SLIT1: variants seen among roughly 807,000 people sequenced by gnomAD.
SLIT1 encodes slit homolog 1 protein.
Under a neutral mutation model 186.1 loss-of-function variants are expected in SLIT1, and 66 were observed. That is an observed-to-expected ratio of 0.35 (90% CI 0.29 to 0.44). SLIT1 has a LOEUF of 0.44. Ranked by LOEUF, SLIT1 falls within the 20% of genes least tolerant of loss-of-function variation. The probability of loss-of-function intolerance (pLI) is 1.00; values close to 1 mark genes in which losing one functional copy is unlikely to be tolerated. For missense variants in SLIT1, 1,638 were observed against 2,037.4 expected, an observed-to-expected ratio of 0.80 and a Z score of 3.77; for synonymous variants, 761 against 833.8, an observed-to-expected ratio of 0.91 and a Z score of 1.50.
At chr10:97,065,075 A>G (rs999389892) in intron 5 of SLIT1, among the ~76,000 whole-genome samples, 199 bp from the exon 6 acceptor site, 1 of 152,180 alleles carries the variant, frequency 6.6e-6, no homozygotes, top group Non-Finnish European at 1.5e-5. Context: ...AATCATAAAT[A>G]TAAGTAAAAG....
intron 4 of SLIT1, among the ~76,000 whole-genome samples, chr10:97,150,150 G>A (rs1849861157): frequency 6.6e-6 from 1 of 152,134 alleles, no homozygotes; most frequent in South Asian, 2.1e-4. Flanking sequence ...GCTCTGGCTG[G>A]GGAGGGGCGG....
Position 97,000,765 on chromosome 10 carries a change from T to C in SLIT1, c.*347A>G. On this transcript the variant is annotated 3_prime_UTR_variant, in exon 37 of 37. Transcript: ENST00000266058. ...TTGGTTTGGAAGGCTGTCATTTTTC[T>C]TCTCCAGATTCAGATAGCAGGTAAG... The C allele has an allele frequency of 4.3e-6, 1 of 230,626 alleles. No homozygotes were observed. Among genetic ancestry groups the C allele is most frequent in the Non-Finnish European group, 8.4e-6 (1 of 118,344 alleles). The allele number at this position is 230,626 out of a possible 1,614,324, so 14.3% of individuals were successfully genotyped here.
At chr10:97,138,649 G>GTT (rs143674794) in intron 4 of SLIT1, among the ~76,000 whole-genome samples, 709 of 59,008 alleles carry the variant, frequency 0.012, 3 homozygotes, top group South Asian at 0.024. Context: ...GTAGGAAACT[G>GTT]TTTTTTTTTT....
chr10:97,146,559 G>GCCCCCCCCCCCCCCCCCCCC (rs61265496), intron 4 of SLIT1, among the ~76,000 whole-genome samples: 1 of 149,076 alleles, frequency 6.7e-6, no homozygotes, highest in Non-Finnish European at 1.5e-5. Flanking sequence ...AGGTACCCCA[G>GCCCCCCCCCCCCCCCCCCCC]CCCCCCCCAC....
Position 97,002,208 on chromosome 10 carries a change from C to T in SLIT1, c.4316G>A (p.Gly1439Glu), listed in dbSNP as rs557275490. Residue 1439 changes from glycine to glutamate, a missense_variant, in exon 36 of 37, where the codon GGG becomes GAG. Physicochemically the swap from Gly to Glu is moderately conservative, Grantham distance 98 (BLOSUM62 -2). Transcript: ENST00000266058. ...GCCGGGGTCACACACACAGTGTGCC[C>T]CCTTGGTGCCTGAGGCCTGGCAGTG... ...HGHCQASGTK[G>E]AHCVCDPGFS... 7 of 1,579,436 alleles carry T rather than the reference C, an allele frequency of 4.4e-6. No homozygotes were observed. The East Asian group carries it at 1.4e-4, about 31-fold the overall frequency.
chr10:97,039,542 G>C (rs1170653572), intron 21 of SLIT1, among the ~76,000 whole-genome samples: 1 of 152,142 alleles, frequency 6.6e-6, no homozygotes, highest in Admixed American at 6.5e-5. Flanking sequence ...TGTTAGCACT[G>C]GTGCTGTTTA....
At position 97,157,892 on chromosome 10, in the gene SLIT1, A is replaced by G. The variant is rs749768669; in HGVS notation, c.342-3T>C. On this transcript the variant is annotated splice_region_variant and splice_polypyrimidine_tract_variant and intron_variant, in intron 3 of 36. Coordinates refer to ENST00000266058, the MANE Select transcript of SLIT1 (RefSeq NM_003061.3). ...GCAGCTGGTTTCGGTTCAGTCGCCT[A>G]TAAAAGAGAAGAAGAATTGGAAATC... is the stretch of plus-strand genomic sequence containing the variant. 3 of 1,611,548 alleles carry G rather than the reference A, an allele frequency of 1.9e-6. No homozygotes were observed. Among genetic ancestry groups the G allele is most frequent in the Non-Finnish European group, 2.5e-6 (3 of 1,177,640 alleles).
chr10:97,111,502 C>T (rs1337365482), intron 4 of SLIT1, among the ~76,000 whole-genome samples: 2 of 152,166 alleles, frequency 1.3e-5, no homozygotes, highest in African/African-American at 2.4e-5. Flanking sequence ...CTGCTCCCGC[C>T]GCGGAGAAAC....
At chr10:97,049,245 C>A (rs961064684) in intron 13 of SLIT1, 127 bp from the exon 14 acceptor site, 2 of 1,101,700 alleles carry the variant, frequency 1.8e-6, no homozygotes, top group African/African-American at 3.1e-5. Flanking sequence ...CTAGGGTCAG[C>A]CACGGGGGGA....
chr10:97,131,971 T>G (rs1258257623), intron 4 of SLIT1, among the ~76,000 whole-genome samples: 1 of 152,224 alleles, frequency 6.6e-6, no homozygotes, highest in African/African-American at 2.4e-5. Flanking sequence ...AGTCCACTCC[T>G]TTAACAGCTG....
At chr10:97,070,376 A>G (rs1304215255) in intron 4 of SLIT1, among the ~76,000 whole-genome samples, 1 of 152,178 alleles carries the variant, frequency 6.6e-6, no homozygotes, top group Non-Finnish European at 1.5e-5. Context: ...ACTTGGCTAC[A>G]TCACTTCTTT....
chr10:97,087,505 T>C (rs1275689391), intron 4 of SLIT1, among the ~76,000 whole-genome samples: 1 of 152,228 alleles, frequency 6.6e-6, no homozygotes, highest in Non-Finnish European at 1.5e-5. Context: ...GAAGGATGCA[T>C]CTGCCCTCTG....
chr10:97,141,185 G>A (rs1393037721), intron 4 of SLIT1, among the ~76,000 whole-genome samples: 2 of 152,154 alleles, frequency 1.3e-5, no homozygotes, highest in African/African-American at 4.8e-5. Context: ...ACTCTTCCAG[G>A]AATGAGGTGA....
At chr10:97,084,553 C>T (rs1281836417) in intron 4 of SLIT1, among the ~76,000 whole-genome samples, 1 of 151,726 alleles carries the variant, frequency 6.6e-6, no homozygotes, top group African/African-American at 2.4e-5. Flanking sequence ...GGAGCTCTTG[C>T]TATTTCTTTT....
At chr10:97,173,899 G>A (rs911380867) in intron 1 of SLIT1, among the ~76,000 whole-genome samples, 1 of 152,170 alleles carries the variant, frequency 6.6e-6, no homozygotes, top group African/African-American at 2.4e-5. Context: ...TGGCCCAGGG[G>A]GTAGAAGAAT....
At chr10:97,074,609 G>A (rs1440679571) in intron 4 of SLIT1, among the ~76,000 whole-genome samples, 1 of 152,216 alleles carries the variant, frequency 6.6e-6, no homozygotes, top group Non-Finnish European at 1.5e-5. Flanking sequence ...CTCAAGGCAA[G>A]GGCCCTGCAG....
intron 4 of SLIT1, among the ~76,000 whole-genome samples, chr10:97,069,122 C>A (rs1038236538): frequency 3.0e-4 from 45 of 152,222 alleles, no homozygotes; most frequent in African/African-American, 1.1e-3. Context: ...TGCCACTGGG[C>A]AGAGTGGGCT....
At chr10:97,152,241 T>C (rs938824821) in intron 4 of SLIT1, among the ~76,000 whole-genome samples, 2 of 151,662 alleles carry the variant, frequency 1.3e-5, no homozygotes, top group African/African-American at 2.4e-5. Context: ...CTCTGCAGGG[T>C]CACCTAAGCC....
intron 4 of SLIT1, among the ~76,000 whole-genome samples, chr10:97,115,521 G>A (rs573928332): frequency 6.6e-6 from 1 of 152,208 alleles, no homozygotes; most frequent in Admixed American, 6.5e-5. Context: ...GAGAAGCCTG[G>A]AGCCAGGCAC....
Sources: gnomAD v4.1 joint callset for allele counts (sites outside exome capture counted in the v4.1 genomes callset) on GRCh38, gnomAD v4.1.1 for gene constraint, MANE v1.5 for transcripts, NCBI Gene and HGNC (gene_info 2026-07-23, HGNC 2026-07-21) for gene names.